INTS6: variants seen among roughly 807,000 people sequenced by gnomAD.
INTS6 encodes DEAD box protein.
Under a neutral mutation model 104.9 loss-of-function variants are expected in INTS6, and 16 were observed. The ratio of observed to expected loss-of-function variants is 0.15; its 90% CI spans 0.10 to 0.23. INTS6 has a LOEUF of 0.23. Ranked by LOEUF, INTS6 falls within the 10% of genes least tolerant of loss-of-function variation. INTS6 has a pLI of 1.00. For missense variants in INTS6, 584 were observed against 1,062.8 expected, an observed-to-expected ratio of 0.55 and a Z score of 6.26; for synonymous variants, 324 against 358.7, an observed-to-expected ratio of 0.90 and a Z score of 1.09.
intron 4 of INTS6, among the ~76,000 whole-genome samples, chr13:51,408,361 T>A (rs1593721864): frequency 6.6e-6 from 1 of 152,094 alleles, no homozygotes; most frequent in Non-Finnish European, 1.5e-5. Context: ...GCCAGGCTGG[T>A]CTTGAACTCC....
intron 3 of INTS6, among the ~76,000 whole-genome samples, chr13:51,430,650 A>C (rs1297974300): frequency 6.6e-6 from 1 of 152,134 alleles, no homozygotes; most frequent in Non-Finnish European, 1.5e-5. Flanking sequence ...TTTTAGAGGG[A>C]GTATATTTAT....
the INTS6 span, chr13:51,339,396 G>A: frequency 6.6e-6 from 1 of 152,224 alleles, no homozygotes; most frequent in Non-Finnish European, 1.5e-5. Flanking sequence ...TGTGACAAAG[G>A]GCTGGATGAG....
At chr13:51,413,862 C>T (rs1295570660) in intron 4 of INTS6, among the ~76,000 whole-genome samples, 1 of 152,162 alleles carries the variant, frequency 6.6e-6, no homozygotes, top group Non-Finnish European at 1.5e-5. Flanking sequence ...AGCTGTCACA[C>T]TAGAAAGCAA....
At chr13:51,374,837 A>T (rs759663894) in intron 13 of INTS6, 41 bp from the exon 14 acceptor site, 1 of 1,601,006 alleles carries the variant, frequency 6.2e-7, no homozygotes, top group Admixed American at 1.7e-5. Flanking sequence ...TTAACCTCCA[A>T]TTAGTTCTCA....
rs1956567236 is a variant in INTS6, at chr13:51,406,424, A to G, written c.430-10941T>C. On this transcript the variant is annotated intron_variant, in intron 4 of 17. Coordinates refer to ENST00000311234, the MANE Select transcript of INTS6 (RefSeq NM_012141.3). ...GTAAAATGGCATCATTTATCGAATA[A>G]TGGATAACCACCTCCTCCCTGTTTC... Among the ~76,000 whole-genome samples the G allele has an allele frequency of 3.3e-5, 5 of 150,464 alleles. No homozygotes were observed. The South Asian group carries it at 1.1e-3, about 33-fold the overall frequency.
chr13:51,361,062 T>C (rs1566197624), downstream of INTS6, among the ~76,000 whole-genome samples: 1 of 152,018 alleles, frequency 6.6e-6, no homozygotes, highest in Non-Finnish European at 1.5e-5. Context: ...TATAACAAAT[T>C]AAAGTTTGGT....
At chr13:51,400,993 T>A (rs888046592) in intron 4 of INTS6, among the ~76,000 whole-genome samples, 1 of 152,254 alleles carries the variant, frequency 6.6e-6, no homozygotes, top group Non-Finnish European at 1.5e-5. Flanking sequence ...AATATGAAGA[T>A]AATTGTCAAA....
chr13:51,427,918 A>G (rs941939581), intron 4 of INTS6, among the ~76,000 whole-genome samples: 1 of 152,136 alleles, frequency 6.6e-6, no homozygotes, highest in African/African-American at 2.4e-5. Flanking sequence ...ACATTGCCCT[A>G]TTTTTCCAAA....
intron 4 of INTS6, among the ~76,000 whole-genome samples, chr13:51,411,091 T>C (rs1956676949): frequency 6.6e-6 from 1 of 151,708 alleles, no homozygotes; most frequent in African/African-American, 2.4e-5. Flanking sequence ...CGGGTGCCCG[T>C]AATCCTAGCT....
intron 5 of INTS6, among the ~76,000 whole-genome samples, chr13:51,394,829 T>C (rs1037883085): frequency 2.6e-5 from 4 of 152,194 alleles, no homozygotes; most frequent in African/African-American, 9.6e-5. Flanking sequence ...AGTACCTACC[T>C]AATCTGATGT....
At chr13:51,381,745 C>A (rs376333594) in intron 10 of INTS6, among the ~76,000 whole-genome samples, 6 of 148,674 alleles carry the variant, frequency 4.0e-5, no homozygotes, top group African/African-American at 1.2e-4. Flanking sequence ...GTTGCCCAGG[C>A]TGGATGGAGT....
chr13:51,387,599 A>T, intron 6 of INTS6, 59 bp from the exon 7 acceptor site: 1 of 1,282,548 alleles, frequency 7.8e-7, no homozygotes, highest in East Asian at 2.7e-5. Flanking sequence ...TAAGCATAAA[A>T]AGTTAAATTA....
chr13:51,386,349 T>C (rs992425338), intron 7 of INTS6, among the ~76,000 whole-genome samples: 1 of 152,166 alleles, frequency 6.6e-6, no homozygotes, highest in South Asian at 2.1e-4. Flanking sequence ...ACAAATACGG[T>C]ATCTGTTCTG....
intron 4 of INTS6, among the ~76,000 whole-genome samples, chr13:51,401,385 G>A (rs79162298): frequency 0.011 from 1,728 of 152,196 alleles, 26 homozygotes; most frequent in East Asian, 0.071. Context: ...CTGTTTCAGA[G>A]CTGTATTTAA....
chr13:51,357,686 T>C (rs1184820525), downstream of INTS6, among the ~76,000 whole-genome samples: 3 of 152,014 alleles, frequency 2.0e-5, no homozygotes, highest in Non-Finnish European at 2.9e-5. Context: ...GTCTCCTTGA[T>C]ACTAGATGTT....
In INTS6 at chr13:51,395,494, G is replaced by A. The variant is rs1956317887; in HGVS notation, c.430-11C>T. On this transcript the variant is annotated splice_polypyrimidine_tract_variant and intron_variant, in intron 4 of 17. Transcript: ENST00000311234. ...AAGAGGTAAATGAAGCTGAAAGTAG[G>A]GGGGAAAAACAGTAATAAGAATTCC... is the stretch of plus-strand genomic sequence containing the variant. 3.1e-6 allele frequency: 5 copies of A among 1,602,636 alleles called. No individual in the cohort carries two copies. Among genetic ancestry groups the A allele is most frequent in the Non-Finnish European group, 4.3e-6 (5 of 1,175,658 alleles).
In INTS6 at chr13:51,389,342, C is replaced by A; in HGVS notation, c.716G>T (p.Gly239Val). 6.2e-7 allele frequency: 1 copy of A among 1,613,392 alleles called. No homozygotes were observed. Among genetic ancestry groups the A allele is most frequent in the Non-Finnish European group, 8.5e-7 (1 of 1,179,736 alleles). Residue 239 changes from glycine (G) to valine (V), a missense_variant, in exon 6 of 18, where the codon GGA becomes GTA. Physicochemically the swap from Gly to Val is moderately radical, Grantham distance 109 (BLOSUM62 -3). Transcript: ENST00000311234. ...ACCTTCTACAGGGGAAGGATCTGGT[C>A]CTGCTTTTTCAAAGTTTATTACCAC... ...SGVVINFEKA[G>V]PDPSPVEDGQ...
chr13:51,364,194 A>C lies in INTS6; in HGVS notation c.*1558T>G. On this transcript the variant is annotated 3_prime_UTR_variant, in exon 18 of 18. Transcript: ENST00000311234. ...AAGTAAACAAAGCTTAAAGAACTGCATATGAAAATACTATATAATATTAAA... is the reference window on the plus strand; with the variant it reads ...AAGTAAACAAAGCTTAAAGAACTGCCTATGAAAATACTATATAATATTAAA... 1 of 923,812 alleles carries C rather than the reference A, an allele frequency of 1.1e-6. No individual in the cohort carries two copies. Among genetic ancestry groups the C allele is most frequent in the Non-Finnish European group, 1.6e-6 (1 of 623,172 alleles). The allele number at this position is 923,812 out of a possible 1,614,324, so 57.2% of individuals were successfully genotyped here.
At position 51,452,906 on chromosome 13, in the gene INTS6, G is replaced by A. The variant is rs764193308; in HGVS notation, c.-381C>T. ...ACCCCACCCCCGGTACAGGAGTGGG[G>A]ACCTGGGAGCTGGCGAAGAGGGGAG... On this transcript the variant is annotated 5_prime_UTR_variant, in exon 1 of 18. Transcript: ENST00000311234. The surrounding 1 kb of genome is among the most constrained non-coding windows in gnomAD (Gnocchi z 4.2). 7 of 1,092,434 alleles carry A rather than the reference G, an allele frequency of 6.4e-6. No individual in the cohort carries two copies. Among genetic ancestry groups the A allele is most frequent in the Non-Finnish European group, 7.8e-6 (7 of 894,762 alleles). 67.7% of individuals were successfully genotyped at this position (1,092,434 alleles called of 1,614,324 possible).
Sources: gnomAD v4.1 joint callset for allele counts (sites outside exome capture counted in the v4.1 genomes callset) on GRCh38, gnomAD v4.1.1 for gene constraint, Gnocchi (gnomAD v3.1) non-coding constraint, MANE v1.5 for transcripts, NCBI Gene and HGNC (gene_info 2026-07-23, HGNC 2026-07-21) for gene names.